Variants in UTS2B observed in about 807,000 individuals in gnomAD.
UTS2B encodes urotensin-2B.
Under a neutral mutation model 19.2 loss-of-function variants are expected in UTS2B, and 21 were observed. The observed-to-expected ratio is 1.09, with a 90% CI of 0.78 to 1.58. UTS2B has a LOEUF of 1.58. Among genes scored for constraint, UTS2B ranks in the 40% most tolerant of loss-of-function variants. The pLI is 0.00. For missense variants in UTS2B, 138 were observed against 130.3 expected (o/e 1.06, Z -0.29); for synonymous variants, 57 against 50.2 (o/e 1.14, Z -0.58).
At chr3:191,272,041 C>G (rs940627945) in intron 8 of UTS2B, among the ~76,000 whole-genome samples, 3 of 152,210 alleles carry the variant, frequency 2.0e-5, no homozygotes, top group Non-Finnish European at 4.4e-5. Context: ...TGCTTCATCT[C>G]TTTCCTATCC....
chr3:191,304,253 C>G (rs1236044804), intron 4 of UTS2B, among the ~76,000 whole-genome samples: 2 of 152,152 alleles, frequency 1.3e-5, no homozygotes, highest in Non-Finnish European at 2.9e-5. Flanking sequence ...GCACTGCGCC[C>G]TGCCTGGCTG....
intron 4 of UTS2B, among the ~76,000 whole-genome samples, chr3:191,294,891 C>T (rs1312961545): frequency 6.6e-6 from 1 of 151,676 alleles, no homozygotes; most frequent in African/African-American, 2.4e-5. Context: ...AGTAGCCGGG[C>T]ATGTTGGCAG....
At chr3:191,273,520 A>G (rs1288658673) in intron 8 of UTS2B, 1 of 456,684 alleles carries the variant, frequency 2.2e-6, no homozygotes, top group Non-Finnish European at 4.4e-6. Flanking sequence ...CTGTTTTGGC[A>G]ATGTTGGAGG....
At chr3:191,283,406 C>G (rs1716441174) in intron 4 of UTS2B, among the ~76,000 whole-genome samples, 1 of 152,136 alleles carries the variant, frequency 6.6e-6, no homozygotes, top group African/African-American at 2.4e-5. Flanking sequence ...AACTGTTTAG[C>G]CTTTTGGATC....
chr3:191,278,853 A>T (rs949103916), intron 5 of UTS2B, among the ~76,000 whole-genome samples: 2 of 152,074 alleles, frequency 1.3e-5, no homozygotes, highest in African/African-American at 4.8e-5. Context: ...TGACAATTCA[A>T]TTGAAATAAT....
intron 5 of UTS2B, among the ~76,000 whole-genome samples, chr3:191,278,466 T>C (rs191207124): frequency 4.7e-4 from 71 of 152,162 alleles, no homozygotes; most frequent in African/African-American, 1.5e-3. Flanking sequence ...CTTTCTTCTT[T>C]TTAATCTGTG....
intron 2 of UTS2B, among the ~76,000 whole-genome samples, chr3:191,317,190 CG>C (rs1717483310): frequency 6.6e-6 from 1 of 152,216 alleles, no homozygotes; most frequent in Non-Finnish European, 1.5e-5. Flanking sequence ...AGTTCCAGTG[CG>C]GCGCTCAGTG....
chr3:191,308,729 G>T (rs1458537917), intron 3 of UTS2B, among the ~76,000 whole-genome samples: 1 of 152,110 alleles, frequency 6.6e-6, no homozygotes, highest in Non-Finnish European at 1.5e-5. Flanking sequence ...CATTGCTTTA[G>T]ATGGAATGAC....
upstream of UTS2B, among the ~76,000 whole-genome samples, chr3:191,331,743 A>T (rs1480227156): frequency 6.6e-6 from 1 of 152,190 alleles, no homozygotes; most frequent in Non-Finnish European, 1.5e-5. Context: ...AATAAAGTGT[A>T]TCCTTCCCTA....
intron 1 of UTS2B, chr3:191,329,812 C>T (rs761335781): frequency 1.1e-4 from 159 of 1,389,910 alleles, no homozygotes; most frequent in Non-Finnish European, 1.5e-4. Flanking sequence ...TTTCGGCTCC[C>T]GCGGCCCTCG....
chr3:191,280,163 A>G (rs915354292), intron 5 of UTS2B, among the ~76,000 whole-genome samples: 1 of 152,188 alleles, frequency 6.6e-6, no homozygotes, highest in African/African-American at 2.4e-5. Context: ...TTTACTGCAC[A>G]GAGACAAGAA....
chr3:191,272,243 G>A (rs1421801001), intron 8 of UTS2B, among the ~76,000 whole-genome samples: 1 of 152,196 alleles, frequency 6.6e-6, no homozygotes, highest in African/African-American at 2.4e-5. Context: ...TGAAGTGAGG[G>A]TGCTGCTGTA....
At chr3:191,294,074 C>T (rs1001655720) in intron 4 of UTS2B, among the ~76,000 whole-genome samples, 2 of 151,766 alleles carry the variant, frequency 1.3e-5, no homozygotes, top group Admixed American at 6.6e-5. Flanking sequence ...CGCCATTGCA[C>T]TCCAGCCTGG....
the UTS2B span, among the ~76,000 whole-genome samples, chr3:191,342,887 C>A: frequency 2.0e-5 from 3 of 152,192 alleles, no homozygotes; most frequent in African/African-American, 7.2e-5. Flanking sequence ...TTATGACTAT[C>A]AGTGGCCTGT....
In UTS2B at chr3:191,329,292, G is replaced by A. The variant is rs186382346; in HGVS notation, c.-664-583C>T. On this transcript the variant is annotated intron_variant, in intron 1 of 8. Coordinates refer to ENST00000340524, the MANE Select transcript of UTS2B (RefSeq NM_198152.5). Reference sequence around the variant, plus strand: ...AGCGGGCGCTGATCTTCGCTCGCCAGCCACTCGCAATTGCGGTTACAGACC... The same window carrying A: ...AGCGGGCGCTGATCTTCGCTCGCCAACCACTCGCAATTGCGGTTACAGACC... 3.7e-3 allele frequency: 754 copies of A among 203,228 alleles called. 2 individuals carry two copies. Among genetic ancestry groups the A allele is most frequent in the Non-Finnish European group, 5.4e-3 (557 of 103,110 alleles). The allele number at this position is 203,228 out of a possible 1,614,324, so 12.6% of individuals were successfully genotyped here. A position where few individuals can be genotyped will look rare whatever the true frequency, so the allele number is the denominator to read the frequency against.
At chr3:191,323,257 A>G (rs1054689617) in intron 2 of UTS2B, among the ~76,000 whole-genome samples, 4 of 151,942 alleles carry the variant, frequency 2.6e-5, no homozygotes, top group Non-Finnish European at 5.9e-5. Flanking sequence ...GCTCACTGCT[A>G]TTTCTGCCTC....
In UTS2B at chr3:191,321,530, C is replaced by T. The variant is rs111602888; in HGVS notation, c.-585-5091G>A. 5.3e-5 allele frequency among the ~76,000 whole-genome samples: 8 copies of T among 152,268 alleles called. No individual in the cohort carries two copies. The South Asian group carries it at 6.2e-4, about 12-fold the overall frequency. ...AAGGAGCTTTTCAGCCTTTACTTTT[C>T]GCAATGATTCCCAAGGCATGATTCC... On this transcript the variant is annotated intron_variant, in intron 2 of 8. Transcript: ENST00000340524.
intron 5 of UTS2B, among the ~76,000 whole-genome samples, chr3:191,280,112 A>G (rs1273853128): frequency 1.3e-5 from 2 of 152,142 alleles, no homozygotes; most frequent in Non-Finnish European, 2.9e-5. Context: ...AATCTTAAGA[A>G]ATTTAGTTGT....
At chr3:191,323,001 AT>A (rs1717648664) in intron 2 of UTS2B, among the ~76,000 whole-genome samples, 1 of 152,190 alleles carries the variant, frequency 6.6e-6, no homozygotes, top group African/African-American at 2.4e-5. Flanking sequence ...TGCTTCTGCC[AT>A]TCTGGTTGTT....
Sources: gnomAD v4.1 joint callset for allele counts (sites outside exome capture counted in the v4.1 genomes callset) on GRCh38, gnomAD v4.1.1 for gene constraint, MANE v1.5 for transcripts, NCBI Gene and HGNC (gene_info 2026-07-23, HGNC 2026-07-21) for gene names.